CCDC60: variants seen among roughly 807,000 people sequenced by gnomAD.
The protein encoded by CCDC60 is coiled-coil domain-containing protein 60.
Under a neutral mutation model 63.5 loss-of-function variants are expected in CCDC60, and 54 were observed. The ratio of observed to expected loss-of-function variants is 0.85; its 90% CI spans 0.68 to 1.07. CCDC60 has a LOEUF of 1.07. Among genes scored for constraint, CCDC60 ranks in the 50% least tolerant of loss-of-function variants. CCDC60 has a pLI of 0.00. For synonymous variants in CCDC60, 206 were observed against 238.8 expected, an observed-to-expected ratio of 0.86 and a Z score of 1.27; for missense variants, 651 against 684.3, an observed-to-expected ratio of 0.95 and a Z score of 0.54.
rs148886937 is a variant in CCDC60 at position 119,505,259 on chromosome 12, A to T, written c.839A>T (p.Asn280Ile). ...ACCAGCAGCAAGGACATTGAGGACA[A>T]TGAGTCATCTTCAACCAAGCCAGAT... is the stretch of plus-strand genomic sequence containing the variant. Reference protein sequence around the residue: ...QVTSSKDIEDNESSSTKPDEE... With the variant: ...QVTSSKDIEDIESSSTKPDEE... Residue 280 changes from asparagine to isoleucine, a missense_variant, in exon 7 of 14, where the codon AAT becomes ATT. Coordinates refer to ENST00000327554, the MANE Select transcript of CCDC60 (RefSeq NM_178499.5). The T allele has an allele frequency of 3.8e-4, 614 of 1,612,958 alleles. 4 individuals are homozygous for T. Among genetic ancestry groups the T allele is most frequent in the Middle Eastern group, 6.6e-4 (4 of 6,062 alleles).
In CCDC60 at chr12:119,522,856, A is replaced by C. The variant is rs1372917693; in HGVS notation, c.1041-83A>C. On this transcript the variant is annotated intron_variant, in intron 9 of 13. Coordinates refer to ENST00000327554, the MANE Select transcript of CCDC60 (RefSeq NM_178499.5). ...CTCCCATGCCTGAATCCTGGAAGCT[A>C]GCAGGTGCCATGGAGCACTGGGGGC... The C allele has an allele frequency of 2.6e-6, 3 of 1,176,314 alleles. No homozygotes were observed. The African/African-American group carries it at 4.5e-5, about 18-fold the overall frequency. 72.9% of individuals were successfully genotyped at this position (1,176,314 alleles called of 1,614,324 possible). A position where few individuals can be genotyped will look rare whatever the true frequency, so the allele number is the denominator to read the frequency against.
chr12:119,486,530 A>T (rs188413610), intron 4 of CCDC60, among the ~76,000 whole-genome samples: 7 of 152,120 alleles, frequency 4.6e-5, no homozygotes, highest in East Asian at 1.9e-4. Flanking sequence ...TTTATTTAAT[A>T]AAAAAAATTG....
At chr12:119,392,946 G>T (rs567417775) in intron 1 of CCDC60, among the ~76,000 whole-genome samples, 1 of 152,258 alleles carries the variant, frequency 6.6e-6, no homozygotes, top group African/African-American at 2.4e-5. Context: ...CTTGAGACAA[G>T]GAGTTTGAGA....
At chr12:119,538,395 G>C (rs1953070910) in intron 13 of CCDC60, among the ~76,000 whole-genome samples, 1 of 152,204 alleles carries the variant, frequency 6.6e-6, no homozygotes, top group Non-Finnish European at 1.5e-5. Flanking sequence ...ACCCTGCCCT[G>C]TTTCGGCTTG....
intron 4 of CCDC60, among the ~76,000 whole-genome samples, chr12:119,486,337 C>T (rs537773035): frequency 1.8e-4 from 28 of 152,078 alleles, no homozygotes; most frequent in South Asian, 1.0e-3. Context: ...AGGAGTTTGA[C>T]GCTAGCCTAG....
intron 8 of CCDC60, among the ~76,000 whole-genome samples, chr12:119,517,522 A>C (rs1039599521): frequency 6.6e-6 from 1 of 152,202 alleles, no homozygotes; most frequent in Non-Finnish European, 1.5e-5. Context: ...GGATCAGAGA[A>C]GTTTCCTCCA....
intron 2 of CCDC60, among the ~76,000 whole-genome samples, chr12:119,450,885 AG>A: frequency 6.7e-6 from 1 of 149,912 alleles, no homozygotes; most frequent in African/African-American, 2.5e-5. Flanking sequence ...AGAGAGAGAG[AG>A]ATAAGACAAA....
chr12:119,374,668 A>G (rs1026185803), intron 1 of CCDC60, among the ~76,000 whole-genome samples: 1 of 148,332 alleles, frequency 6.7e-6, no homozygotes, highest in Non-Finnish European at 1.5e-5. Flanking sequence ...AAGAATGGCT[A>G]CTCCATAGGC....
intron 1 of CCDC60, among the ~76,000 whole-genome samples, chr12:119,391,735 A>C (rs573868791): frequency 6.6e-6 from 1 of 152,360 alleles, no homozygotes; most frequent in East Asian, 1.9e-4. Context: ...GAAAGCTAAA[A>C]GAATTTTGTT....
intron 1 of CCDC60, among the ~76,000 whole-genome samples, chr12:119,356,878 C>A (rs73217248): frequency 2.0e-5 from 3 of 152,228 alleles, no homozygotes; most frequent in Admixed American, 6.5e-5. Flanking sequence ...TTTATTCTCA[C>A]CCAAATGCTT....
In CCDC60 at chr12:119,377,844, G is replaced by A. The variant is rs4766941; in HGVS notation, c.90+42578G>A. Among the ~76,000 whole-genome samples the A allele has an allele frequency of 0.025, 3,769 of 152,252 alleles. 330 individuals are homozygous for A. In the East Asian group the frequency reaches 0.28, roughly 11 times the overall value. The stretch of plus-strand genomic sequence containing the variant: ...TGCTTGCGGTATGCCAGGCACAGAC[G>A]TGGCATCGTTGTCTGGGGTAAATAC... On this transcript the variant is annotated intron_variant, in intron 1 of 13. Coordinates refer to ENST00000327554, the MANE Select transcript of CCDC60 (RefSeq NM_178499.5).
chr12:119,437,921 G>A (rs1210090559), intron 2 of CCDC60, among the ~76,000 whole-genome samples: 2 of 110,132 alleles, frequency 1.8e-5, no homozygotes, highest in African/African-American at 7.2e-5. Context: ...CTCACACCCT[G>A]CAGACAGCAA....
At chr12:119,527,963 C>T (rs561376525) in intron 11 of CCDC60, among the ~76,000 whole-genome samples, 11 of 151,954 alleles carry the variant, frequency 7.2e-5, no homozygotes, top group Non-Finnish European at 1.3e-4. Context: ...TGATCCACTG[C>T]GCCCGGCATC....
chr12:119,373,667 T>TGGGGGGGGGGGG (rs57046909), intron 1 of CCDC60, among the ~76,000 whole-genome samples: 1 of 54,082 alleles, frequency 1.8e-5, no homozygotes. Flanking sequence ...CGGGGTGGGG[T>TGGGGGGGGGGGG]GGGGGGGGGT....
intron 3 of CCDC60, 99 bp from the exon 4 acceptor site, chr12:119,478,995 T>A (rs866986693): frequency 3.7e-5 from 29 of 789,050 alleles, no homozygotes; most frequent in African/African-American, 2.9e-4. Context: ...ACATAGTAAG[T>A]GTCCAGTCAT....
chr12:119,419,462 C>T (rs1956768908), intron 1 of CCDC60, among the ~76,000 whole-genome samples: 1 of 152,182 alleles, frequency 6.6e-6, no homozygotes, highest in Non-Finnish European at 1.5e-5. Context: ...AAGAGTTTGT[C>T]CTGTCATTGG....
At chr12:119,404,009 C>T (rs764753663) in intron 1 of CCDC60, among the ~76,000 whole-genome samples, 11 of 152,218 alleles carry the variant, frequency 7.2e-5, no homozygotes, top group African/African-American at 1.2e-4. Context: ...TCCTTTAGGC[C>T]GGGCACAGTG....
At chr12:119,482,349 T>C (rs1234304354) in intron 4 of CCDC60, among the ~76,000 whole-genome samples, 1 of 151,988 alleles carries the variant, frequency 6.6e-6, no homozygotes. Context: ...TTATTATTAT[T>C]ATCACAGTGG....
At chr12:119,365,793 A>G (rs12830127) in intron 1 of CCDC60, among the ~76,000 whole-genome samples, 21,885 of 152,194 alleles carry the variant, frequency 0.14, 1,914 homozygotes, top group Non-Finnish European at 0.2. Flanking sequence ...TTAACAGAGG[A>G]ATGTGATTAG....
Sources: allele counts gnomAD v4.1 joint callset (sites outside exome capture counted in the v4.1 genomes callset), GRCh38; gene constraint gnomAD v4.1.1; transcripts MANE v1.5; gene names NCBI Gene and HGNC (gene_info 2026-07-23, HGNC 2026-07-21).